Variants in DCAF6 observed in about 807,000 individuals in gnomAD.
DCAF6 encodes the protein DDB1 and CUL4 associated factor 6.
DCAF6 carries 54 observed loss-of-function variants against 125.1 expected under a neutral mutation model. The ratio of observed to expected loss-of-function variants is 0.43; its 90% CI spans 0.35 to 0.54. The LOEUF is 0.54. Ranked by LOEUF, DCAF6 falls within the 20% of genes least tolerant of loss-of-function variation. DCAF6 has a pLI of 0.01. For missense variants in DCAF6, 934 were observed against 1,161.7 expected (o/e 0.80, Z 2.85); for synonymous variants, 371 against 390.4 (o/e 0.95, Z 0.58).
intron 21 of DCAF6, among the ~76,000 whole-genome samples, chr1:168,072,294 TAAAAAAAAAAAAAAAAAAAAAAAAAAA>T (rs59674650): frequency 2.4e-5 from 1 of 41,016 alleles, no homozygotes; most frequent in African/African-American, 8.2e-5. Context: ...AGAATCAGTC[TAAAAAAAAAAAAAAAAAAAAAAAAAAA>T]AAAAGAAAAG....
intron 16 of DCAF6, among the ~76,000 whole-genome samples, chr1:168,047,608 A>T (rs1270598786): frequency 6.6e-6 from 1 of 152,036 alleles, no homozygotes; most frequent in Non-Finnish European, 1.5e-5. Context: ...TCCTTCAAGA[A>T]ACTTAATTAT....
At chr1:167,986,957 T>A (rs1038991854) in intron 4 of DCAF6, among the ~76,000 whole-genome samples, 5 of 152,226 alleles carry the variant, frequency 3.3e-5, no homozygotes, top group Non-Finnish European at 5.9e-5. Context: ...AAGTTTGACA[T>A]TTAAACTATT....
intron 5 of DCAF6, among the ~76,000 whole-genome samples, chr1:167,989,344 C>T (rs1409454361): frequency 6.6e-6 from 1 of 152,014 alleles, no homozygotes; most frequent in Non-Finnish European, 1.5e-5. Context: ...CTAAACAAAA[C>T]CCCCAGGAAA....
chr1:167,912,432 T>G, the DCAF6 span, among the ~76,000 whole-genome samples: 1 of 152,190 alleles, frequency 6.6e-6, no homozygotes, highest in African/African-American at 2.4e-5. Flanking sequence ...CCCACGTGTG[T>G]AGAACATCAT....
the DCAF6 span, among the ~76,000 whole-genome samples, chr1:167,875,384 A>G: frequency 1.2e-4 from 18 of 152,056 alleles, no homozygotes; most frequent in Non-Finnish European, 2.1e-4. Flanking sequence ...CAAAGAACTC[A>G]GGTAGCATCT....
chr1:167,943,641 A>G (rs1454836394), intron 1 of DCAF6, among the ~76,000 whole-genome samples: 4 of 152,138 alleles, frequency 2.6e-5, no homozygotes, highest in Admixed American at 6.5e-5. Flanking sequence ...CTTTGTCCTC[A>G]TTAACGAATT....
the DCAF6 span, chr1:167,880,521 A>C: frequency 6.2e-7 from 1 of 1,614,130 alleles, no homozygotes; most frequent in South Asian, 1.1e-5. Context: ...GCAGAAGTCA[A>C]ATATATCCAT....
At chr1:168,073,275 A>G (rs1182541155) in intron 21 of DCAF6, among the ~76,000 whole-genome samples, 3 of 152,238 alleles carry the variant, frequency 2.0e-5, no homozygotes, top group African/African-American at 7.2e-5. Flanking sequence ...CTCCTTGTCT[A>G]TAATTGCCAA....
At chr1:167,903,978 C>T in the DCAF6 span, 1 of 1,611,308 alleles carries the variant, frequency 6.2e-7, no homozygotes, top group Non-Finnish European at 8.5e-7. Context: ...ACTTCTCAGT[C>T]ATTGCAGTAA....
At chr1:167,922,641 C>T in the DCAF6 span, among the ~76,000 whole-genome samples, 1 of 151,890 alleles carries the variant, frequency 6.6e-6, no homozygotes, top group Admixed American at 6.6e-5. Context: ...ATACAGCTCC[C>T]GAATGACTTA....
chr1:167,937,614 G>A (rs1041086382), intron 1 of DCAF6, among the ~76,000 whole-genome samples: 14 of 152,186 alleles, frequency 9.2e-5, no homozygotes, highest in African/African-American at 1.4e-4. Context: ...CTTAAAGGTG[G>A]TGTAGGGTTT....
chr1:168,060,010 A>AT (rs1234147753), intron 17 of DCAF6, among the ~76,000 whole-genome samples: 5 of 152,122 alleles, frequency 3.3e-5, no homozygotes, highest in Admixed American at 2.6e-4. Context: ...TTTTGCATAT[A>AT]TTTTTTATAA....
At chr1:167,941,418 G>A (rs561254691) in intron 1 of DCAF6, among the ~76,000 whole-genome samples, 2 of 152,274 alleles carry the variant, frequency 1.3e-5, no homozygotes, top group Admixed American at 1.3e-4. Flanking sequence ...TGGAGCTTAT[G>A]TTACAAGTAT....
At chr1:167,960,303 T>G (rs1675383530) in intron 2 of DCAF6, among the ~76,000 whole-genome samples, 1 of 151,924 alleles carries the variant, frequency 6.6e-6, no homozygotes, top group Admixed American at 6.6e-5. Context: ...ATTTATTTAT[T>G]TATTTATTTT....
intron 4 of DCAF6, among the ~76,000 whole-genome samples, chr1:167,981,107 G>C (rs994941482): frequency 3.3e-5 from 5 of 151,546 alleles, no homozygotes; most frequent in African/African-American, 1.2e-4. Flanking sequence ...GGGTTTCACC[G>C]TGTTGCCCAG....
chr1:167,921,671 AT>A, the DCAF6 span, among the ~76,000 whole-genome samples: 1 of 152,080 alleles, frequency 6.6e-6, no homozygotes, highest in Non-Finnish European at 1.5e-5. Flanking sequence ...TCCCCAATCT[AT>A]TTATGCCAGT....
rs566671157 is a variant in DCAF6, at chr1:167,953,168, T to A, written c.159+1307T>A. The stretch of plus-strand genomic sequence containing the variant: ...TCTTTGTTTTAAAATGTCTTTTTAT[T>A]GTTATTTGTTCAAAAGATGATCCAA... On this transcript the variant is annotated intron_variant, in intron 2 of 21. Coordinates refer to ENST00000367840, the MANE Select transcript of DCAF6 (RefSeq NM_001198956.2). Among the ~76,000 whole-genome samples, 4 of 152,344 alleles carry A rather than the reference T, an allele frequency of 2.6e-5. No homozygotes were observed. In the East Asian group the frequency reaches 7.7e-4, roughly 29 times the overall value.
At chr1:168,063,037 G>A (rs1369082968) in intron 17 of DCAF6, among the ~76,000 whole-genome samples, 6 of 151,330 alleles carry the variant, frequency 4.0e-5, no homozygotes, top group Non-Finnish European at 5.9e-5. Context: ...TCAGCCTCCC[G>A]AGTAGCTGGG....
chr1:167,936,502 C>G, upstream of DCAF6: 1 of 217,970 alleles, frequency 4.6e-6, no homozygotes, highest in South Asian at 6.1e-5. Context: ...CGAATGCATT[C>G]TTCCAGGGTG....
Sources: gnomAD v4.1 joint callset for allele counts (sites outside exome capture counted in the v4.1 genomes callset) on GRCh38, gnomAD v4.1.1 for gene constraint, MANE v1.5 for transcripts, NCBI Gene and HGNC (gene_info 2026-07-23, HGNC 2026-07-21) for gene names.